DCLK1: variants seen among roughly 807,000 people sequenced by gnomAD.
DCLK1 encodes doublecortin like kinase 1, also known as serine/threonine-protein kinase DCLK1.
A neutral mutation model predicts 86.2 loss-of-function variants in DCLK1; 16 were observed. That is an observed-to-expected ratio of 0.19 (90% CI 0.13 to 0.28). The LOEUF (loss-of-function observed/expected upper bound fraction) is 0.28, where lower values mean the gene tolerates loss of function less well. DCLK1 is among the 10% of genes least tolerant of loss of function. The pLI is 1.00. For synonymous variants in DCLK1, 369 were observed against 370.5 expected (o/e 1.00, Z 0.05); for missense variants, 590 against 940.2 (o/e 0.63, Z 4.87).
At chr13:36,100,283 G>A (rs1304216221) in intron 3 of DCLK1, among the ~76,000 whole-genome samples, 1 of 151,558 alleles carries the variant, frequency 6.6e-6, no homozygotes, top group Non-Finnish European at 1.5e-5. Flanking sequence ...GGAGGCTGTG[G>A]TCAGAGAATT....
intron 5 of DCLK1, among the ~76,000 whole-genome samples, chr13:35,864,654 CTTTTTTT>C (rs759910103): frequency 2.9e-4 from 33 of 112,598 alleles, no homozygotes; most frequent in Middle Eastern, 8.7e-3. Flanking sequence ...TTTCTTCTCT[CTTTTTTT>C]TTTTTTTTTG....
chr13:36,097,467 A>G (rs1885059542), intron 3 of DCLK1, among the ~76,000 whole-genome samples: 1 of 152,202 alleles, frequency 6.6e-6, no homozygotes, highest in Non-Finnish European at 1.5e-5. Context: ...GTTGTACTGT[A>G]TATCTCTGTG....
intron 15 of DCLK1, among the ~76,000 whole-genome samples, chr13:35,796,012 T>C (rs1467683402): frequency 1.3e-5 from 2 of 148,236 alleles, no homozygotes; most frequent in African/African-American, 2.5e-5. Context: ...AGTTGGACAA[T>C]AGCGTTTGGG....
chr13:35,878,870 C>T (rs1314618835), intron 4 of DCLK1, among the ~76,000 whole-genome samples: 2 of 152,142 alleles, frequency 1.3e-5, no homozygotes, highest in Admixed American at 6.5e-5. Context: ...ACTGCAACCT[C>T]TGCCTCCCAG....
chr13:36,094,868 G>C (rs1427126319), intron 3 of DCLK1, among the ~76,000 whole-genome samples: 1 of 152,206 alleles, frequency 6.6e-6, no homozygotes, highest in African/African-American at 2.4e-5. Flanking sequence ...GAAGGCTCAA[G>C]TGATGGGGAA....
At chr13:36,021,343 G>C (rs1593824590) in intron 3 of DCLK1, among the ~76,000 whole-genome samples, 1 of 151,170 alleles carries the variant, frequency 6.6e-6, no homozygotes, top group South Asian at 2.1e-4. Context: ...AAGATAACCA[G>C]AAAAGCCTTA....
intron 5 of DCLK1, among the ~76,000 whole-genome samples, chr13:35,862,510 C>T (rs1246032261): frequency 6.6e-6 from 1 of 152,170 alleles, no homozygotes; most frequent in African/African-American, 2.4e-5. Flanking sequence ...TTTCCACCGC[C>T]ATGCCACTGT....
At chr13:35,849,630 G>C (rs1044514807) in intron 6 of DCLK1, 2 of 980,078 alleles carry the variant, frequency 2.0e-6, no homozygotes, top group African/African-American at 3.5e-5. Context: ...AGGACTAGAA[G>C]AGCAGAATTA....
intron 3 of DCLK1, among the ~76,000 whole-genome samples, chr13:36,049,621 G>A (rs1416185686): frequency 6.6e-6 from 1 of 151,894 alleles, no homozygotes; most frequent in Non-Finnish European, 1.5e-5. Context: ...CCTTTTATAT[G>A]ATCTTTTGTT....
intron 4 of DCLK1, among the ~76,000 whole-genome samples, chr13:35,871,919 G>T (rs1240985710): frequency 6.6e-6 from 1 of 152,214 alleles, no homozygotes; most frequent in Non-Finnish European, 1.5e-5. Flanking sequence ...CTGCCAGCCT[G>T]TGCCACCACA....
intron 4 of DCLK1, among the ~76,000 whole-genome samples, chr13:35,882,311 C>A (rs929161427): frequency 2.0e-5 from 3 of 152,122 alleles, no homozygotes; most frequent in Admixed American, 1.3e-4. Flanking sequence ...TGGTTCCCAC[C>A]AGAATAACCC....
At chr13:35,800,900 T>C (rs1291540840) in intron 15 of DCLK1, among the ~76,000 whole-genome samples, 2 of 151,100 alleles carry the variant, frequency 1.3e-5, no homozygotes, top group East Asian at 1.9e-4. Flanking sequence ...TTTTTTTTTT[T>C]TTAAGTAGAG....
At chr13:36,112,478 C>T (rs1374522102) in intron 2 of DCLK1, among the ~76,000 whole-genome samples, 1 of 152,128 alleles carries the variant, frequency 6.6e-6, no homozygotes, top group Non-Finnish European at 1.5e-5. Context: ...GATAGAAATG[C>T]TGATCTACTT....
chr13:35,983,852 C>T (rs928088573), intron 3 of DCLK1, among the ~76,000 whole-genome samples: 6 of 152,108 alleles, frequency 3.9e-5, no homozygotes, highest in Admixed American at 2.0e-4. Flanking sequence ...GACTTGACCT[C>T]CTTGAACAGG....
intron 4 of DCLK1, among the ~76,000 whole-genome samples, chr13:35,946,568 CATT>C (rs1337705796): frequency 3.3e-5 from 5 of 152,110 alleles, no homozygotes; most frequent in Non-Finnish European, 5.9e-5. Context: ...GCAAAAAATT[CATT>C]ATCATTTCAA....
rs888139552 is a variant in DCLK1 at position 35,936,656 on chromosome 13, A to G, written c.823+10702T>C. Reference sequence around the variant, plus strand: ...TAACAGACTGGTATTTATGTGTTTGACTTTCACCCGAGAGCCTCTGGCAGA... The same window carrying G: ...TAACAGACTGGTATTTATGTGTTTGGCTTTCACCCGAGAGCCTCTGGCAGA... On this transcript the variant is annotated intron_variant, in intron 4 of 16. Coordinates refer to ENST00000360631, the MANE Select transcript of DCLK1 (RefSeq NM_001330071.2). Among the ~76,000 whole-genome samples, 3 of 152,164 alleles carry G rather than the reference A, an allele frequency of 2.0e-5. No individual in the cohort carries two copies. In the South Asian group the frequency reaches 6.2e-4, roughly 31 times the overall value.
chr13:35,976,525 GTTTTTT>G (rs11294824), intron 3 of DCLK1, among the ~76,000 whole-genome samples: 6 of 56,374 alleles, frequency 1.1e-4, no homozygotes, highest in Admixed American at 6.1e-4. Context: ...CTTCTCCGAG[GTTTTTT>G]TTTTTTTTTT....
Position 35,879,230 on chromosome 13 carries a change from G to A in DCLK1, c.824-7890C>T, listed in dbSNP as rs1872748742. On this transcript the variant is annotated intron_variant, in intron 4 of 16. Coordinates refer to ENST00000360631, the MANE Select transcript of DCLK1 (RefSeq NM_001330071.2). ...TTTAAAAGTACCTTCTAAAAATACA[G>A]GGAGGTATGTTTAAACCAGCACTTC... Among the ~76,000 whole-genome samples, 3 of 152,174 alleles carry A rather than the reference G, an allele frequency of 2.0e-5. No individual in the cohort carries two copies. In the South Asian group the frequency reaches 6.2e-4, roughly 32 times the overall value.
At position 35,967,626 on chromosome 13, in the gene DCLK1, A is replaced by G. The variant is rs542126125; in HGVS notation, c.724-20169T>C. ...CTTTGTTAAACAGATGCTTGAAGGC[A>G]GCATACTCGTTAAGAGTCATCACCA... On this transcript the variant is annotated intron_variant, in intron 3 of 16. Coordinates refer to ENST00000360631, the MANE Select transcript of DCLK1 (RefSeq NM_001330071.2). Among the ~76,000 whole-genome samples the G allele has an allele frequency of 5.9e-3, 904 of 152,290 alleles. 15 individuals carry two copies. The highest frequency in any genetic ancestry group is 0.021 in the African/African-American group (865 of 41,554).
Sources: allele counts gnomAD v4.1 joint callset (sites outside exome capture counted in the v4.1 genomes callset), GRCh38; gene constraint gnomAD v4.1.1; transcripts MANE v1.5; gene names NCBI Gene and HGNC (gene_info 2026-07-23, HGNC 2026-07-21).